Variants in CTNNA2 observed in about 807,000 individuals in gnomAD.
CTNNA2 encodes the protein catenin alpha-2.
In CTNNA2, 42 loss-of-function variants were observed where a neutral mutation model predicts 101.0. That is an observed-to-expected ratio of 0.42 (90% confidence interval 0.32 to 0.54). The LOEUF is 0.54. CTNNA2 is among the 20% of genes least tolerant of loss of function. The pLI is 0.14. For missense variants in CTNNA2, 871 were observed against 1,223.1 expected (o/e 0.71, Z 4.29); for synonymous variants, 450 against 456.4 (o/e 0.99, Z 0.18).
At chr2:80,632,008 C>A (rs1271139536) in intron 18 of CTNNA2, among the ~76,000 whole-genome samples, 2 of 152,016 alleles carry the variant, frequency 1.3e-5, no homozygotes, top group Non-Finnish European at 2.9e-5. Flanking sequence ...AAGTACTAAT[C>A]AACTTTTATT....
intron 7 of CTNNA2, among the ~76,000 whole-genome samples, chr2:79,910,283 A>T (rs1044530036): frequency 3.9e-5 from 6 of 152,186 alleles, no homozygotes; most frequent in African/African-American, 1.4e-4. Context: ...AAATGTAGTA[A>T]AATTTGGAGG....
chr2:80,471,877 A>G (rs1294514721), intron 9 of CTNNA2, among the ~76,000 whole-genome samples: 2 of 152,140 alleles, frequency 1.3e-5, no homozygotes, highest in African/African-American at 4.8e-5. Flanking sequence ...CTGTAATCAC[A>G]GCGTTTAGGA....
intron 1 of CTNNA2, among the ~76,000 whole-genome samples, chr2:79,602,718 T>A (rs544880547): frequency 1.3e-5 from 2 of 152,184 alleles, no homozygotes; most frequent in East Asian, 3.9e-4. Flanking sequence ...AAACAAAGAA[T>A]CAAAGACTGT....
intron 14 of CTNNA2, among the ~76,000 whole-genome samples, chr2:80,584,962 TAG>T (rs1308197817): frequency 6.6e-6 from 1 of 152,064 alleles, no homozygotes; most frequent in Non-Finnish European, 1.5e-5. Context: ...ACTTCACAGC[TAG>T]AGACTGGTAA....
chr2:80,148,749 C>T (rs915112580), intron 7 of CTNNA2, among the ~76,000 whole-genome samples: 8 of 152,148 alleles, frequency 5.3e-5, no homozygotes, highest in African/African-American at 1.2e-4. Context: ...CTGTCTTCCT[C>T]TTCAAAATAA....
rs376823046 is a variant in CTNNA2 at position 79,329,210 on chromosome 2, G to T, written c.-318+16414G>T. Among the ~76,000 whole-genome samples the T allele has an allele frequency of 4.3e-4, 66 of 152,236 alleles. 1 individual carries two copies. In the East Asian group the frequency reaches 4.4e-3, roughly 10 times the overall value. ...CTGAATGTTCAGTTAAACAGTTAAG[G>T]CCTCAAATAGCAGGGCCACTGCTTC... On this transcript the variant is annotated intron_variant, in intron 3 of 21. Transcript: ENST00000466387.
intron 4 of CTNNA2, among the ~76,000 whole-genome samples, chr2:79,449,336 T>G (rs1185183050): frequency 1.3e-5 from 2 of 151,984 alleles, no homozygotes; most frequent in Admixed American, 1.3e-4. Context: ...GGTGGAATCA[T>G]TCCCCAGGGA....
chr2:79,266,702 T>C (rs959807870), intron 2 of CTNNA2, among the ~76,000 whole-genome samples: 3 of 152,094 alleles, frequency 2.0e-5, no homozygotes, highest in African/African-American at 7.2e-5. Context: ...AGTAAGACTC[T>C]TCCTGTAATG....
rs202150508 is a variant in CTNNA2, at chr2:80,148,032, AT to A, written c.1056+238242del. Among the ~76,000 whole-genome samples, 340 of 152,264 alleles carry A rather than the reference AT, an allele frequency of 2.2e-3. 2 individuals carry two copies. The highest frequency in any genetic ancestry group is 7.4e-3 in the African/African-American group (308 of 41,560). ...AAGTACTGCTTAACTTTTTAATGTC[AT>A]TTTTTTAGAGCCAAGGATTTGAATT... On this transcript the variant is annotated intron_variant, in intron 7 of 18. Coordinates refer to ENST00000402739, the MANE Select transcript of CTNNA2 (RefSeq NM_001282597.3).
intron 7 of CTNNA2, chr2:80,028,479 TTATGAG>T (rs1485597158): frequency 3.3e-5 from 5 of 152,232 alleles, no homozygotes; most frequent in African/African-American, 1.2e-4. Context: ...TCTGGATTCT[TTATGAG>T]TATGTCTTAT....
At chr2:80,046,424 G>A (rs1486108310) in intron 7 of CTNNA2, among the ~76,000 whole-genome samples, 1 of 152,102 alleles carries the variant, frequency 6.6e-6, no homozygotes, top group Non-Finnish European at 1.5e-5. Context: ...CTACTATCTA[G>A]TATAATTGAA....
chr2:80,374,482 C>T (rs1022246925), intron 7 of CTNNA2, among the ~76,000 whole-genome samples: 2 of 151,974 alleles, frequency 1.3e-5, no homozygotes, highest in African/African-American at 4.8e-5. Context: ...AGCTTGATTC[C>T]ATGTCTTTGC....
At chr2:79,838,838 T>G (rs1679584294) in intron 3 of CTNNA2, among the ~76,000 whole-genome samples, 1 of 151,500 alleles carries the variant, frequency 6.6e-6, no homozygotes, top group Admixed American at 6.6e-5. Context: ...CATGATATTA[T>G]GTATAAGATA....
At chr2:80,077,413 A>G (rs950355009) in intron 7 of CTNNA2, among the ~76,000 whole-genome samples, 6 of 152,150 alleles carry the variant, frequency 3.9e-5, no homozygotes, top group African/African-American at 1.4e-4. Flanking sequence ...ATTATAGTGT[A>G]TTCACAAGAT....
rs767371409 is a variant in CTNNA2, at chr2:79,390,806, C to T, written c.-135+16793C>T. ...AATAGTGCAGAAATGTCACCTGTGT[C>T]GTGTCTCAAGGAGTGAAACCATGAT... On this transcript the variant is annotated intron_variant, in intron 4 of 21. Transcript: ENST00000466387. Among the ~76,000 whole-genome samples the T allele has an allele frequency of 3.3e-5, 5 of 152,234 alleles. No homozygotes were observed. In the East Asian group the frequency reaches 9.7e-4, roughly 29 times the overall value.
At chr2:80,539,487 G>T (rs1691356284) in intron 9 of CTNNA2, among the ~76,000 whole-genome samples, 2 of 150,778 alleles carry the variant, frequency 1.3e-5, no homozygotes, top group South Asian at 4.2e-4. Context: ...AATAAATCTT[G>T]CAGGATGGAT....
intron 7 of CTNNA2, among the ~76,000 whole-genome samples, chr2:80,112,107 A>C (rs764389936): frequency 1.3e-5 from 2 of 152,214 alleles, no homozygotes; most frequent in Non-Finnish European, 2.9e-5. Context: ...ATATAGTTTC[A>C]AATAATAATA....
intron 9 of CTNNA2, among the ~76,000 whole-genome samples, chr2:80,424,945 G>T (rs930748380): frequency 2.6e-5 from 4 of 152,128 alleles, no homozygotes; most frequent in African/African-American, 9.7e-5. Flanking sequence ...CCTCAGCGGG[G>T]CTGTGCTCAG....
At chr2:80,055,637 C>T (rs1697169215) in intron 7 of CTNNA2, among the ~76,000 whole-genome samples, 1 of 151,686 alleles carries the variant, frequency 6.6e-6, no homozygotes, top group Non-Finnish European at 1.5e-5. Context: ...TGTGTAGCTG[C>T]CCATAGCTGG....
Sources: gnomAD v4.1 joint callset for allele counts (sites outside exome capture counted in the v4.1 genomes callset) on GRCh38, gnomAD v4.1.1 for gene constraint, MANE v1.5 for transcripts, NCBI Gene and HGNC (gene_info 2026-07-23, HGNC 2026-07-21) for gene names.